Variants in SYCE1 observed in about 807,000 individuals in gnomAD.
SYCE1 encodes the protein cancer/testis antigen 76.
In SYCE1, 37 loss-of-function variants were observed where a neutral mutation model predicts 55.1. That is an observed-to-expected ratio of 0.67 (90% CI 0.52 to 0.88). The LOEUF (loss-of-function observed/expected upper bound fraction) is 0.88, where lower values mean the gene tolerates loss of function less well. SYCE1 is among the 40% of genes least tolerant of loss of function. The pLI is 0.00. For missense variants in SYCE1, 399 were observed against 416.4 expected (o/e 0.96, Z 0.36); for synonymous variants, 163 against 159.4 (o/e 1.02, Z -0.17).
upstream of SYCE1, chr10:133,568,151 A>G (rs1172090945): frequency 2.3e-6 from 2 of 866,126 alleles, no homozygotes; most frequent in Non-Finnish European, 3.7e-6. Context: ...ACAGAGGCAC[A>G]GGCCGCCCGT....
At chr10:133,568,034 A>C (rs1176619119), upstream of SYCE1, 1 of 618,114 alleles carries the variant, frequency 1.6e-6, no homozygotes, top group Non-Finnish European at 3.0e-6. Context: ...CCCAGGCCGG[A>C]GGATCCTGGG....
At chr10:133,566,337 T>G (rs1851933805), upstream of SYCE1, among the ~76,000 whole-genome samples, 1 of 152,242 alleles carries the variant, frequency 6.6e-6, no homozygotes, top group Non-Finnish European at 1.5e-5. Context: ...CTGCCTGTCC[T>G]AAATACGAAG....
Position 133,556,830 on chromosome 10 carries a change from C to T in SYCE1, c.465-8G>A, listed in dbSNP as rs370048032. On this transcript the variant is annotated splice_region_variant and splice_polypyrimidine_tract_variant and intron_variant, in intron 7 of 12. Coordinates refer to ENST00000343131, the MANE Select transcript of SYCE1 (RefSeq NM_001143764.3). ...TGTTCCTCGAATGCCAACCTGGGAA[C>T]CAACCACAGGCATGAGGGGATATGG... 3 of 1,593,854 alleles carry T rather than the reference C, an allele frequency of 1.9e-6. No homozygotes were observed. The highest frequency in any genetic ancestry group is 1.3e-5 in the African/African-American group (1 of 74,444).
At chr10:133,563,045 C>T (rs959561989) in intron 1 of SYCE1, among the ~76,000 whole-genome samples, 4 of 152,350 alleles carry the variant, frequency 2.6e-5, no homozygotes, top group African/African-American at 9.6e-5. Context: ...TTTTGATTGA[C>T]AATACCAAAT....
chr10:133,557,367 T>G (rs1851711180), intron 6 of SYCE1: 1 of 581,758 alleles, frequency 1.7e-6, no homozygotes, highest in Admixed American at 3.1e-5. Flanking sequence ...CATGGTTAAG[T>G]GAGCAAATGC....
At chr10:133,559,149 G>A in intron 3 of SYCE1, 152 bp downstream of exon 3, 2 of 949,954 alleles carry the variant, frequency 2.1e-6, no homozygotes, top group East Asian at 2.5e-5. Flanking sequence ...GCAGTCGCAT[G>A]CTGAAATGCC....
chr10:133,559,544 T>G, intron 2 of SYCE1, 184 bp from the exon 3 acceptor site: 1 of 616,096 alleles, frequency 1.6e-6, no homozygotes, highest in Non-Finnish European at 2.9e-6. Flanking sequence ...CACAATAAGA[T>G]ACCGAATGGG....
intron 1 of SYCE1, 63 bp from the exon 2 acceptor site, chr10:133,560,216 A>G: frequency 6.7e-7 from 1 of 1,494,496 alleles, no homozygotes; most frequent in Non-Finnish European, 9.3e-7. Context: ...CTGGGCTGAG[A>G]CTGAGGCAGG....
intron 1 of SYCE1, among the ~76,000 whole-genome samples, chr10:133,564,010 T>TA (rs1214045163): frequency 6.0e-5 from 9 of 151,114 alleles, no homozygotes; most frequent in Non-Finnish European, 1.0e-4. Flanking sequence ...TTAAAACAGA[T>TA]AGACTAAAAC....
intron 1 of SYCE1, among the ~76,000 whole-genome samples, chr10:133,562,632 T>A (rs1269157931): frequency 6.6e-6 from 1 of 152,206 alleles, no homozygotes; most frequent in East Asian, 1.9e-4. Context: ...TTGTGTTACC[T>A]GATTTTTTTG....
At chr10:133,567,593 G>C (rs1851978945), upstream of SYCE1, among the ~76,000 whole-genome samples, 2 of 152,022 alleles carry the variant, frequency 1.3e-5, no homozygotes, top group African/African-American at 2.4e-5. Context: ...AAATTCTTAA[G>C]TCCTTTGGTC....
At position 133,564,477 on chromosome 10, in the gene SYCE1, T is replaced by G. The variant is rs1256555652; in HGVS notation, c.73+980A>C. 4.1e-6 allele frequency: 4 copies of G among 969,358 alleles called. No individual in the cohort carries two copies. In the African/African-American group the frequency reaches 7.0e-5, roughly 17 times the overall value. The allele number at this position is 969,358 out of a possible 1,614,324, so 60.0% of individuals were successfully genotyped here. ...GCACACCGGCGGGCCAGCAGGTGCT[T>G]AATGAAAGGGATACGTTTGCGTCTG... On this transcript the variant is annotated intron_variant, in intron 1 of 12. Coordinates refer to ENST00000343131, the MANE Select transcript of SYCE1 (RefSeq NM_001143764.3).
At chr10:133,557,829 G>A (rs200172059) in intron 6 of SYCE1, 35 bp downstream of exon 6, 1 of 1,610,908 alleles carries the variant, frequency 6.2e-7, no homozygotes. Flanking sequence ...GAATAAAGAG[G>A]TAGTGCAGAG....
At chr10:133,554,674 T>A, downstream of SYCE1, 1 of 747,766 alleles carries the variant, frequency 1.3e-6, no homozygotes, top group Non-Finnish European at 2.4e-6. Flanking sequence ...GTCTGTGTAG[T>A]CCAGACCTGT....
intron 5 of SYCE1, 69 bp from the exon 6 acceptor site, chr10:133,557,987 C>G: frequency 6.3e-7 from 1 of 1,583,158 alleles, no homozygotes; most frequent in Non-Finnish European, 8.7e-7. Flanking sequence ...GGGAACACAG[C>G]CAGATCATGT....
chr10:133,556,998 C>T, intron 7 of SYCE1, 69 bp downstream of exon 7: 1 of 1,532,968 alleles, frequency 6.5e-7, no homozygotes. Flanking sequence ...GCTTTTCTAA[C>T]CCCCATCTTT....
intron 2 of SYCE1, 164 bp from the exon 3 acceptor site, chr10:133,559,524 T>A (rs1392351090): frequency 3.0e-6 from 2 of 665,884 alleles, no homozygotes; most frequent in Non-Finnish European, 5.4e-6. Flanking sequence ...TGGGCAAGAC[T>A]GGGAACAGAC....
chr10:133,557,030 G>A (rs756674116), intron 7 of SYCE1, 37 bp downstream of exon 7: 3 of 1,586,496 alleles, frequency 1.9e-6, no homozygotes, highest in African/African-American at 2.7e-5. Context: ...CCAACTACTG[G>A]CCATCCAAAC....
chr10:133,557,979 G>T (rs1032790706), intron 5 of SYCE1, 61 bp from the exon 6 acceptor site: 2 of 1,588,650 alleles, frequency 1.3e-6, no homozygotes, highest in African/African-American at 2.7e-5. Flanking sequence ...TTGGCAGGGG[G>T]AACACAGCCA....
Sources: gnomAD v4.1 joint callset for allele counts (sites outside exome capture counted in the v4.1 genomes callset) on GRCh38, gnomAD v4.1.1 for gene constraint, MANE v1.5 for transcripts, NCBI Gene and HGNC (gene_info 2026-07-23, HGNC 2026-07-21) for gene names.